The following SLC35F3 variants were observed in gnomAD, a reference collection of about 807,000 sequenced individuals.
SLC35F3 encodes the protein putative thiamine transporter SLC35F3.
In SLC35F3, 25 loss-of-function variants were observed where a neutral mutation model predicts 49.9. The ratio of observed to expected loss-of-function variants is 0.50; its 90% CI spans 0.37 to 0.70. SLC35F3 has a LOEUF of 0.70. SLC35F3 is among the 30% of genes least tolerant of loss of function. The pLI is 0.00. For synonymous variants in SLC35F3, 275 were observed against 265.4 expected, an observed-to-expected ratio of 1.04 and a Z score of -0.35; for missense variants, 525 against 639.8, an observed-to-expected ratio of 0.82 and a Z score of 1.94.
chr1:233,927,238 A>G (rs1351046755), intron 2 of SLC35F3, among the ~76,000 whole-genome samples: 1 of 150,988 alleles, frequency 6.6e-6, no homozygotes, highest in Non-Finnish European at 1.5e-5. Flanking sequence ...TTTTGTGTGA[A>G]CATAAGTTTT....
intron 2 of SLC35F3, among the ~76,000 whole-genome samples, chr1:234,138,225 A>G (rs752789380): frequency 6.6e-6 from 1 of 152,234 alleles, no homozygotes; most frequent in African/African-American, 2.4e-5. Context: ...TCAATTTTGT[A>G]TGGCTGTATC....
chr1:234,050,335 T>G (rs1030999908), intron 2 of SLC35F3, among the ~76,000 whole-genome samples: 5 of 152,250 alleles, frequency 3.3e-5, no homozygotes, highest in Non-Finnish European at 7.3e-5. Context: ...CCATTCTAAC[T>G]GGTGTGAGAT....
intron 2 of SLC35F3, among the ~76,000 whole-genome samples, chr1:234,003,747 A>G (rs1031587973): frequency 7.9e-5 from 12 of 152,184 alleles, no homozygotes; most frequent in African/African-American, 2.9e-4. Context: ...TACGGAATGA[A>G]CTCCTACACA....
chr1:233,907,601 A>G (rs962075906), intron 2 of SLC35F3, among the ~76,000 whole-genome samples: 2 of 152,204 alleles, frequency 1.3e-5, no homozygotes, highest in African/African-American at 4.8e-5. Flanking sequence ...CCTTGTTACT[A>G]TAACGCTTTA....
intron 2 of SLC35F3, among the ~76,000 whole-genome samples, chr1:234,112,897 C>T (rs191262220): frequency 1.7e-4 from 25 of 151,280 alleles, no homozygotes; most frequent in African/African-American, 5.6e-4. Flanking sequence ...TCTTAATGAC[C>T]GGTTTCAGAA....
intron 2 of SLC35F3, among the ~76,000 whole-genome samples, chr1:234,030,397 G>A (rs1212486475): frequency 6.6e-6 from 1 of 152,166 alleles, no homozygotes; most frequent in African/African-American, 2.4e-5. Flanking sequence ...AGCTCATTCA[G>A]TACAGAGGAC....
chr1:233,956,388 TCTCTCACCA>T (rs1481511208), intron 2 of SLC35F3, among the ~76,000 whole-genome samples: 1 of 152,128 alleles, frequency 6.6e-6, no homozygotes, highest in African/African-American at 2.4e-5. Flanking sequence ...CCCACTGCAG[TCTCTCACCA>T]CTCTAGTTTA....
At chr1:234,264,742 G>A (rs1305731026) in intron 3 of SLC35F3, among the ~76,000 whole-genome samples, 17 of 152,072 alleles carry the variant, frequency 1.1e-4, no homozygotes, top group Admixed American at 1.1e-3. Context: ...TTGTAGAGAT[G>A]GGGTCTTTCT....
At chr1:233,935,398 T>C (rs1312701392) in intron 2 of SLC35F3, among the ~76,000 whole-genome samples, 2 of 152,070 alleles carry the variant, frequency 1.3e-5, no homozygotes, top group South Asian at 2.1e-4. Context: ...GACTGCCTCT[T>C]CTAACTTTCC....
intron 4 of SLC35F3, among the ~76,000 whole-genome samples, chr1:234,316,029 A>G (rs1329748195): frequency 6.6e-6 from 1 of 152,212 alleles, no homozygotes; most frequent in African/African-American, 2.4e-5. Context: ...CCACGAAGGA[A>G]AGGAATAGCA....
chr1:234,143,578 C>T (rs1665953258), intron 2 of SLC35F3, among the ~76,000 whole-genome samples: 1 of 152,148 alleles, frequency 6.6e-6, no homozygotes, highest in African/African-American at 2.4e-5. Flanking sequence ...AGACATGAGC[C>T]ACCACGCCCA....
chr1:234,185,726 T>C lies in SLC35F3; in HGVS notation c.284-45691T>C, dbSNP rs536984021. Among the ~76,000 whole-genome samples the C allele has an allele frequency of 4.2e-4, 64 of 152,262 alleles. No homozygotes were observed. The South Asian group carries it at 9.4e-3, about 22-fold the overall frequency. ...GGAGTCCTCAAATGTGGACCTAAGG[T>C]ATTGATTCTGAAGATATTCAGTGCT... On this transcript the variant is annotated intron_variant, in intron 2 of 7. Transcript: ENST00000366618.
At chr1:234,080,364 A>G (rs1270733776) in intron 2 of SLC35F3, among the ~76,000 whole-genome samples, 2 of 152,134 alleles carry the variant, frequency 1.3e-5, no homozygotes, top group African/African-American at 4.8e-5. Flanking sequence ...TTACCATAGG[A>G]CCCAGCAATT....
At position 233,905,694 on chromosome 1, in the gene SLC35F3, C is replaced by T. The variant is rs1661764473; in HGVS notation, c.219C>T (p.Ile73=). The change falls in exon 2 of 8, where the codon ATC becomes ATT. Residue 73 remains isoleucine (I), a synonymous_variant. Transcript: ENST00000366618. ...GCGGGCCGGTGGGGCTCACGTCCAT[C>T]GAGGAGCGGATCCTGCGCATCACTG... ...LTSGPVGLTS[I]EERILRITGY... The T allele has an allele frequency of 1.2e-6, 2 of 1,614,182 alleles. No homozygotes were observed. The highest frequency in any genetic ancestry group is 1.7e-6 in the Non-Finnish European group (2 of 1,180,036).
At chr1:234,299,662 A>G (rs506126) in intron 3 of SLC35F3, among the ~76,000 whole-genome samples, 108,015 of 151,724 alleles carry the variant, frequency 0.71, 38,911 homozygotes, top group African/African-American at 0.83. Context: ...AAAATTAGCC[A>G]GGCATGGTGG....
chr1:234,233,062 A>T (rs887554270), intron 3 of SLC35F3, among the ~76,000 whole-genome samples: 3 of 152,140 alleles, frequency 2.0e-5, no homozygotes, highest in Non-Finnish European at 4.4e-5. Context: ...CTCAGGGTTG[A>T]CCTAAACCAG....
At chr1:234,038,534 G>A (rs529445914) in intron 2 of SLC35F3, among the ~76,000 whole-genome samples, 1 of 152,094 alleles carries the variant, frequency 6.6e-6, no homozygotes, top group African/African-American at 2.4e-5. Context: ...CTGAGGAATC[G>A]CCACACTGAC....
intron 2 of SLC35F3, among the ~76,000 whole-genome samples, chr1:234,138,825 A>G (rs1665846776): frequency 6.6e-6 from 1 of 152,240 alleles, no homozygotes; most frequent in African/African-American, 2.4e-5. Flanking sequence ...TGTTGGAATT[A>G]TACAGGCGAG....
chr1:234,174,765 T>C (rs948188084), intron 2 of SLC35F3, among the ~76,000 whole-genome samples: 1 of 152,230 alleles, frequency 6.6e-6, no homozygotes, highest in African/African-American at 2.4e-5. Flanking sequence ...GTGGGCAATC[T>C]TGGAAAATGT....
Sources: gnomAD v4.1 joint callset for allele counts (sites outside exome capture counted in the v4.1 genomes callset) on GRCh38, gnomAD v4.1.1 for gene constraint, MANE v1.5 for transcripts, NCBI Gene and HGNC (gene_info 2026-07-23, HGNC 2026-07-21) for gene names.